The following XPNPEP3 variants were observed in gnomAD, a reference collection of about 807,000 sequenced individuals.
The protein encoded by XPNPEP3 is X-prolyl aminopeptidase 3.
XPNPEP3 carries 41 observed loss-of-function variants against 60.0 expected under a neutral mutation model. That is an observed-to-expected ratio of 0.68 (90% CI 0.53 to 0.89). The LOEUF is 0.89. Ranked by LOEUF, XPNPEP3 falls within the 40% of genes least tolerant of loss-of-function variation. XPNPEP3 has a pLI of 0.00. For synonymous variants in XPNPEP3, 212 were observed against 223.2 expected (o/e 0.95, Z 0.45); for missense variants, 598 against 638.9 (o/e 0.94, Z 0.69).
chr22:40,881,086 C>T (rs983933237), intron 2 of XPNPEP3, among the ~76,000 whole-genome samples: 4 of 151,904 alleles, frequency 2.6e-5, no homozygotes, highest in African/African-American at 4.8e-5. Context: ...TGCTTTGTCG[C>T]GTAGACTGGA....
chr22:40,863,128 T>A (rs2057960567), intron 1 of XPNPEP3, among the ~76,000 whole-genome samples: 1 of 152,214 alleles, frequency 6.6e-6, no homozygotes, highest in Admixed American at 6.5e-5. Context: ...AAGCTAGCAC[T>A]TATTTCAAGT....
rs1483762646 is a variant in XPNPEP3, at chr22:40,881,901, T to C, written c.313T>C (p.Tyr105His). Residue 105 changes from tyrosine (Y) to histidine (H), a missense_variant, in exon 3 of 10, where the codon TAC (tyrosine) becomes CAC (histidine). Transcript: ENST00000357137. ...AGTGGTTGTGCTCTCCAACCCTACA[T>C]ACTACATGAGCAACGATATTCCCTA... ...QTVVVLSNPT[Y>H]YMSNDIPYTF... is the part of the protein sequence containing the mutation. The C allele has an allele frequency of 8.7e-6, 14 of 1,614,166 alleles. No individual in the cohort carries two copies. The highest frequency in any genetic ancestry group is 1.2e-5 in the Non-Finnish European group (14 of 1,180,034).
chr22:40,871,662 A>G (rs1488499662), intron 2 of XPNPEP3, among the ~76,000 whole-genome samples: 1 of 152,154 alleles, frequency 6.6e-6, no homozygotes, highest in East Asian at 1.9e-4. Flanking sequence ...TATTTCTTAC[A>G]TAGGTGTATG....
rs773846917 is a variant in XPNPEP3, at chr22:40,868,997, A to T, written c.65-2A>T. The T allele has an allele frequency of 4.4e-6, 7 of 1,608,464 alleles. No homozygotes were observed. The Admixed American group carries it at 1.2e-4, about 27-fold the overall frequency. The stretch of plus-strand genomic sequence containing the variant: ...ATTTCATTCTCTTTATTCTTCATTC[A>T]GGATGTATGTTGTGTTCACAGCGAA... On this transcript the variant is annotated splice_acceptor_variant, in intron 1 of 9. Coordinates refer to ENST00000357137, the MANE Select transcript of XPNPEP3 (RefSeq NM_022098.4). LOFTEE classifies it high-confidence loss of function.
rs749633544 is a variant in XPNPEP3 at position 40,924,400 on chromosome 22, C to T, written c.1275C>T (p.Tyr425=). ...ACTGTCCTCATCATGTTGGCCACTACCTCGGGATGGATGTCCATGACACTC... is the reference window on the plus strand; with the variant it reads ...ACTGTCCTCATCATGTTGGCCACTATCTCGGGATGGATGTCCATGACACTC... ...RKYCPHHVGH[Y]LGMDVHDTPD... is the part of the protein sequence containing the mutation. The change falls in exon 9 of 10, where the codon TAC becomes TAT. Residue 425 remains tyrosine, a synonymous_variant. Coordinates refer to ENST00000357137, the MANE Select transcript of XPNPEP3 (RefSeq NM_022098.4). 1.9e-6 allele frequency: 3 copies of T among 1,614,056 alleles called. No individual in the cohort carries two copies. The highest frequency in any genetic ancestry group is 3.3e-5 in the Admixed American group (2 of 59,994).
At chr22:40,888,630 TTCTA>T (rs756424136) in intron 4 of XPNPEP3, among the ~76,000 whole-genome samples, 9 of 151,884 alleles carry the variant, frequency 5.9e-5, no homozygotes, top group South Asian at 2.1e-4. Flanking sequence ...AACATTTGGT[TTCTA>T]TCTTTTTTTT....
At chr22:40,893,505 C>CAAAAA (rs764114832) in intron 4 of XPNPEP3, among the ~76,000 whole-genome samples, 2 of 40,250 alleles carry the variant, frequency 5.0e-5, no homozygotes, top group African/African-American at 8.6e-5. Flanking sequence ...AACTCTATCT[C>CAAAAA]AAAAAAAAAA....
At position 40,922,421 on chromosome 22, in the gene XPNPEP3, G is replaced by A; in HGVS notation, c.1144G>A (p.Glu382Lys). ...LALCFPGTSLENIYSMMLTLI... is the reference protein window; with the variant it reads ...LALCFPGTSLKNIYSMMLTLI... ...CCTCTGCTTCCCTGGGACAAGCTTG[G>A]AGAACATCTACAGCATGATGCTGAC... Residue 382 changes from glutamate to lysine, a missense_variant, in exon 8 of 10, where the codon GAG (glutamate) becomes AAG (lysine). Glu to Lys is a moderately conservative substitution (Grantham distance 56). Coordinates refer to ENST00000357137, the MANE Select transcript of XPNPEP3 (RefSeq NM_022098.4). The A allele has an allele frequency of 6.2e-7, 1 of 1,613,916 alleles. No homozygotes were observed. Among genetic ancestry groups the A allele is most frequent in the Admixed American group, 1.7e-5 (1 of 60,002 alleles).
intron 4 of XPNPEP3, among the ~76,000 whole-genome samples, chr22:40,888,863 A>T (rs2058078716): frequency 6.6e-6 from 1 of 151,420 alleles, no homozygotes; most frequent in Non-Finnish European, 1.5e-5. Context: ...CAATTTCTCC[A>T]CTCTACACCA....
At chr22:40,887,268 T>C (rs1218610503) in intron 4 of XPNPEP3, among the ~76,000 whole-genome samples, 1 of 152,164 alleles carries the variant, frequency 6.6e-6, no homozygotes, top group African/African-American at 2.4e-5. Flanking sequence ...GCAAGGAGTC[T>C]AGAGAAGCCA....
intron 4 of XPNPEP3, among the ~76,000 whole-genome samples, chr22:40,902,985 A>AT (rs1329231707): frequency 1.3e-5 from 2 of 152,082 alleles, no homozygotes; most frequent in African/African-American, 2.4e-5. Flanking sequence ...CTCACTTAGG[A>AT]TTTTTTATTT....
intron 2 of XPNPEP3, among the ~76,000 whole-genome samples, chr22:40,871,074 T>G (rs937026626): frequency 9.2e-5 from 14 of 151,740 alleles, no homozygotes; most frequent in Non-Finnish European, 1.5e-4. Flanking sequence ...ACTTAAAAAG[T>G]CTCTTAGGCC....
At chr22:40,902,071 CTTT>C (rs748080226) in intron 4 of XPNPEP3, among the ~76,000 whole-genome samples, 2 of 127,602 alleles carry the variant, frequency 1.6e-5, no homozygotes, top group Admixed American at 7.9e-5. Flanking sequence ...ACTTTTCCTT[CTTT>C]TTTTTTTTTT....
At chr22:40,920,792 T>TTTTTG (rs1465661697) in intron 7 of XPNPEP3, among the ~76,000 whole-genome samples, 1 of 152,146 alleles carries the variant, frequency 6.6e-6, no homozygotes, top group Non-Finnish European at 1.5e-5. Flanking sequence ...TGCAGTTCTT[T>TTTTTG]TTTTGTTTTG....
rs199722524 is a variant in XPNPEP3 at position 40,868,982 on chromosome 22, C to T, written c.65-17C>T. On this transcript the variant is annotated splice_polypyrimidine_tract_variant and intron_variant, in intron 1 of 9. Transcript: ENST00000357137. ...TAGATCTATTGTTTCATTTCATTCTCTTTATTCTTCATTCAGGATGTATGT... is the reference window on the plus strand; with the variant it reads ...TAGATCTATTGTTTCATTTCATTCTTTTTATTCTTCATTCAGGATGTATGT... The T allele has an allele frequency of 3.4e-4, 546 of 1,586,766 alleles. 1 individual carries two copies. The highest frequency in any genetic ancestry group is 4.5e-4 in the Non-Finnish European group (518 of 1,155,228).
At chr22:40,924,315 G>A in intron 8 of XPNPEP3, 47 bp from the exon 9 acceptor site, 1 of 1,613,116 alleles carries the variant, frequency 6.2e-7, no homozygotes, top group Non-Finnish European at 8.5e-7. Context: ...AGCATTCCCT[G>A]TAAGAGGTCA....
chr22:40,863,435 TTA>T (rs1296912188), intron 1 of XPNPEP3, among the ~76,000 whole-genome samples: 7 of 152,226 alleles, frequency 4.6e-5, no homozygotes, highest in African/African-American at 1.4e-4. Flanking sequence ...TCCATCACAT[TTA>T]TAACCCCTCA....
chr22:40,857,352 G>T (rs367935588), intron 1 of XPNPEP3, 107 bp downstream of exon 1: 2 of 1,242,216 alleles, frequency 1.6e-6, no homozygotes, highest in East Asian at 5.0e-5. Flanking sequence ...TGGGGCCTCC[G>T]CTCCCCAACC....
rs769655576 is a variant in XPNPEP3 at position 40,881,812 on chromosome 22, G to A, written c.224G>A (p.Arg75His). The change falls in exon 3 of 10, where the codon CGC becomes CAC. Residue 75 changes from arginine to histidine, a missense_variant. Coordinates refer to ENST00000357137, the MANE Select transcript of XPNPEP3 (RefSeq NM_022098.4). ...CTATCTCAGGTGGAATATGCACTTC[G>A]CAGACACAAACTAATGTCTCTGATC... ...PGLSQVEYAL[R>H]RHKLMSLIQK... The A allele has an allele frequency of 4.3e-6, 7 of 1,614,116 alleles. No homozygotes were observed. Among genetic ancestry groups the A allele is most frequent in the East Asian group, 2.2e-5 (1 of 44,888 alleles).
Sources: gnomAD v4.1 joint callset for allele counts (sites outside exome capture counted in the v4.1 genomes callset) on GRCh38, gnomAD v4.1.1 for gene constraint, MANE v1.5 for transcripts, NCBI Gene and HGNC (gene_info 2026-07-23, HGNC 2026-07-21) for gene names.